The following KLF12 variants were observed in gnomAD, a reference collection of about 807,000 sequenced individuals.
The protein encoded by KLF12 is KLF transcription factor 12.
A neutral mutation model predicts 37.8 loss-of-function variants in KLF12; 9 were observed. That is an observed-to-expected ratio of 0.24 (90% confidence interval 0.14 to 0.42). The LOEUF (loss-of-function observed/expected upper bound fraction) is 0.42, where lower values mean the gene tolerates loss of function less well. KLF12 is among the 10% of genes least tolerant of loss of function. The pLI is 1.00. For missense variants in KLF12, 411 were observed against 516.0 expected, an observed-to-expected ratio of 0.80 and a Z score of 1.97; for synonymous variants, 208 against 202.1, an observed-to-expected ratio of 1.03 and a Z score of -0.25.
chr13:73,792,720 C>A (rs1233993405), intron 5 of KLF12, among the ~76,000 whole-genome samples: 1 of 152,024 alleles, frequency 6.6e-6, no homozygotes. Flanking sequence ...GAACAATGTA[C>A]GTGTCATGCC....
At chr13:74,119,495 G>T (rs967341871) in intron 1 of KLF12, among the ~76,000 whole-genome samples, 3 of 152,122 alleles carry the variant, frequency 2.0e-5, no homozygotes, top group Non-Finnish European at 4.4e-5. Flanking sequence ...AGAGGAAAGG[G>T]TAGAACATGC....
chr13:73,826,265 G>T (rs930036971), intron 4 of KLF12, among the ~76,000 whole-genome samples: 8 of 152,050 alleles, frequency 5.3e-5, no homozygotes, highest in African/African-American at 1.7e-4. Flanking sequence ...GAGCCACCAC[G>T]CCTGGCCCTT....
At chr13:74,044,571 G>T (rs1893490438) in intron 1 of KLF12, among the ~76,000 whole-genome samples, 1 of 152,116 alleles carries the variant, frequency 6.6e-6, no homozygotes, top group Non-Finnish European at 1.5e-5. Flanking sequence ...GGCAAGCTGG[G>T]CATGGTGGCT....
intron 7 of KLF12, among the ~76,000 whole-genome samples, chr13:73,707,910 T>C (rs1361712206): frequency 2.6e-5 from 4 of 152,168 alleles, no homozygotes; most frequent in African/African-American, 9.7e-5. Flanking sequence ...AGACAGAATC[T>C]GCAATCATTT....
intron 5 of KLF12, among the ~76,000 whole-genome samples, chr13:73,812,327 TA>T (rs1882980653): frequency 6.6e-6 from 1 of 151,734 alleles, no homozygotes; most frequent in East Asian, 1.9e-4. Flanking sequence ...TGACTACAGT[TA>T]ATAATACTGT....
intron 1 of KLF12, among the ~76,000 whole-genome samples, chr13:74,015,998 G>T (rs986309017): frequency 3.4e-4 from 51 of 151,964 alleles, no homozygotes; most frequent in African/African-American, 1.2e-3. Flanking sequence ...ACTAAACATT[G>T]GTTTTTAAAA....
At chr13:74,301,092 T>C in the KLF12 span, among the ~76,000 whole-genome samples, 1 of 152,216 alleles carries the variant, frequency 6.6e-6, no homozygotes, top group Non-Finnish European at 1.5e-5. Context: ...AAAAATCAGC[T>C]AACTTGCTGT....
the KLF12 span, among the ~76,000 whole-genome samples, chr13:74,248,344 A>G: frequency 6.6e-6 from 1 of 152,192 alleles, no homozygotes; most frequent in East Asian, 1.9e-4. Context: ...GCTTGGATGC[A>G]TTGCTGTTGG....
chr13:74,015,595 C>T (rs1892668342), intron 1 of KLF12, among the ~76,000 whole-genome samples: 5 of 152,140 alleles, frequency 3.3e-5, no homozygotes, highest in Admixed American at 3.3e-4. Flanking sequence ...TTAAGCAACA[C>T]CCCCTAGATA....
chr13:73,915,231 A>G (rs916239762), intron 3 of KLF12, among the ~76,000 whole-genome samples: 2 of 152,198 alleles, frequency 1.3e-5, no homozygotes, highest in African/African-American at 4.8e-5. Context: ...GATTTCACTT[A>G]GGGCCCGCCC....
intron 1 of KLF12, among the ~76,000 whole-genome samples, chr13:74,095,836 C>A (rs1184099815): frequency 6.6e-6 from 1 of 152,142 alleles, no homozygotes; most frequent in African/African-American, 2.4e-5. Context: ...TCTCCCTAGC[C>A]CCAAATTTGT....
chr13:74,160,626 G>A, the KLF12 span, among the ~76,000 whole-genome samples: 1 of 152,146 alleles, frequency 6.6e-6, no homozygotes, highest in East Asian at 1.9e-4. Context: ...CTTTCTTGTA[G>A]CCTCACCTTC....
intron 2 of KLF12, among the ~76,000 whole-genome samples, chr13:73,953,516 G>A (rs1890715924): frequency 6.6e-6 from 1 of 152,064 alleles, no homozygotes; most frequent in Non-Finnish European, 1.5e-5. Flanking sequence ...TGTTTGAATA[G>A]TAATGAAAAA....
intron 1 of KLF12, among the ~76,000 whole-genome samples, chr13:74,055,870 G>C (rs1352992794): frequency 6.6e-6 from 1 of 152,216 alleles, no homozygotes; most frequent in Non-Finnish European, 1.5e-5. Context: ...AGGACAAACA[G>C]CAGGCTTGGA....
At chr13:74,275,886 T>TTTCTTTC in the KLF12 span, among the ~76,000 whole-genome samples, 9 of 99,398 alleles carry the variant, frequency 9.1e-5, no homozygotes, top group Non-Finnish European at 1.5e-4. Flanking sequence ...TTCTTCTTTC[T>TTTCTTTC]TTCTTTCTTT....
chr13:73,777,247 T>C (rs1012088783), intron 5 of KLF12, among the ~76,000 whole-genome samples: 5 of 151,854 alleles, frequency 3.3e-5, no homozygotes, highest in African/African-American at 1.2e-4. Context: ...GAGGAGATGA[T>C]TGGTTGAGTG....
At chr13:74,073,156 A>G (rs1365792757) in intron 1 of KLF12, among the ~76,000 whole-genome samples, 1 of 152,192 alleles carries the variant, frequency 6.6e-6, no homozygotes, top group Non-Finnish European at 1.5e-5. Flanking sequence ...TAGAACTGTG[A>G]GTCCACTAAA....
chr13:74,046,065 A>C (rs1893535167), intron 1 of KLF12, among the ~76,000 whole-genome samples: 1 of 152,206 alleles, frequency 6.6e-6, no homozygotes, highest in South Asian at 2.1e-4. Flanking sequence ...TGTTCCTATC[A>C]ATCAGTCTAT....
intron 6 of KLF12, among the ~76,000 whole-genome samples, chr13:73,720,219 T>TG (rs902502187): frequency 2.0e-5 from 3 of 152,116 alleles, no homozygotes; most frequent in Admixed American, 2.0e-4. Flanking sequence ...TAAGAAGGGG[T>TG]GTTAGGTAAC....
Sources: allele counts gnomAD v4.1 joint callset (sites outside exome capture counted in the v4.1 genomes callset), GRCh38; gene constraint gnomAD v4.1.1; transcripts MANE v1.5; gene names NCBI Gene and HGNC (gene_info 2026-07-23, HGNC 2026-07-21).